The following PHLPP1 variants were observed in gnomAD, a reference collection of about 807,000 sequenced individuals.
PHLPP1 encodes the protein PH domain leucine-rich repeat-containing protein phosphatase 1.
In PHLPP1, 42 loss-of-function variants were observed where a neutral mutation model predicts 117.2. The ratio of observed to expected loss-of-function variants is 0.36; its 90% CI spans 0.28 to 0.46. The LOEUF is 0.46. Among genes scored for constraint, PHLPP1 ranks in the 20% least tolerant of loss-of-function variants. The pLI, the probability that PHLPP1 is intolerant of heterozygous loss-of-function variation, is 1.00. For missense variants in PHLPP1, 2,084 were observed against 2,241.9 expected (o/e 0.93, Z 1.42); for synonymous variants, 1,042 against 970.7 (o/e 1.07, Z -1.37).
At chr18:62,801,285 C>T (rs1913775018) in intron 1 of PHLPP1, among the ~76,000 whole-genome samples, 3 of 151,432 alleles carry the variant, frequency 2.0e-5, no homozygotes, top group South Asian at 4.2e-4. Context: ...TCAAGTAATC[C>T]GCTTGCCTTG....
intron 1 of PHLPP1, among the ~76,000 whole-genome samples, chr18:62,783,440 G>A (rs2144281429): frequency 6.6e-6 from 1 of 152,144 alleles, no homozygotes; most frequent in South Asian, 2.1e-4. Flanking sequence ...ATGTTAGCCA[G>A]GATGGTGCCG....
At chr18:62,961,919 T>C (rs764125297) in intron 13 of PHLPP1, among the ~76,000 whole-genome samples, 3 of 152,248 alleles carry the variant, frequency 2.0e-5, no homozygotes, top group Non-Finnish European at 2.9e-5. Flanking sequence ...TTATTTCTAG[T>C]TACAAAGGGA....
chr18:62,962,650 T>A (rs1374748248), intron 13 of PHLPP1, among the ~76,000 whole-genome samples: 1 of 152,204 alleles, frequency 6.6e-6, no homozygotes, highest in Non-Finnish European at 1.5e-5. Flanking sequence ...TTTGTCCCTT[T>A]AGTATTTCTG....
In PHLPP1 at chr18:62,716,199, G is replaced by A. The variant is rs1251953703; in HGVS notation, c.516G>A (p.Leu172=). The part of the protein sequence containing the change: ...SASASLCTRS[L]DRKTLLLKHR... ...CGGCGTCGCTGTGCACCCGGAGCCTGGACAGGAAGACGCTGCTTCTGAAGC... is the reference window on the plus strand; with the variant it reads ...CGGCGTCGCTGTGCACCCGGAGCCTAGACAGGAAGACGCTGCTTCTGAAGC... The change falls in exon 1 of 17, where the codon CTG becomes CTA. Residue 172 remains leucine (L), a synonymous_variant. Transcript: ENST00000262719. This position sits in a 1 kb window ranked among gnomAD's most constrained non-coding sequence, Gnocchi z 5.7. 17 of 1,524,186 alleles carry A rather than the reference G, an allele frequency of 1.1e-5. No homozygotes were observed. The highest frequency in any genetic ancestry group is 1.0e-4 in the Admixed American group (5 of 50,116). 94.4% of individuals were successfully genotyped at this position (1,524,186 alleles called of 1,614,324 possible). A position where few individuals can be genotyped will look rare whatever the true frequency, so the allele number is the denominator to read the frequency against.
intron 2 of PHLPP1, 62 bp downstream of exon 2, chr18:62,830,293 T>C: frequency 7.2e-7 from 1 of 1,394,600 alleles, no homozygotes; most frequent in South Asian, 1.4e-5. Flanking sequence ...CAGGCTCAAG[T>C]GTAGTGGCGT....
At chr18:62,869,584 A>C (rs150476483) in intron 4 of PHLPP1, among the ~76,000 whole-genome samples, 2 of 152,334 alleles carry the variant, frequency 1.3e-5, no homozygotes, top group South Asian at 2.1e-4. Flanking sequence ...TAAATGGAGC[A>C]CACAATATGT....
chr18:62,949,334 G>T (rs566526092), intron 12 of PHLPP1, among the ~76,000 whole-genome samples: 1 of 152,184 alleles, frequency 6.6e-6, no homozygotes, highest in Non-Finnish European at 1.5e-5. Context: ...ACAAATCTCC[G>T]TACTGAGATG....
At chr18:62,755,941 G>A (rs1475405623) in intron 1 of PHLPP1, among the ~76,000 whole-genome samples, 9 of 150,850 alleles carry the variant, frequency 6.0e-5, no homozygotes, top group Non-Finnish European at 1.3e-4. Flanking sequence ...TTTATGTCTT[G>A]TTAAGGCAAA....
chr18:62,830,012 A>G (rs1398880734), intron 1 of PHLPP1, 23 bp from the exon 2 acceptor site: 1 of 1,574,674 alleles, frequency 6.4e-7, no homozygotes, highest in Non-Finnish European at 8.7e-7. Context: ...AAAGAATAAC[A>G]TGTTTGCTTC....
intron 1 of PHLPP1, among the ~76,000 whole-genome samples, chr18:62,760,222 C>T (rs1183182868): frequency 6.6e-5 from 10 of 152,130 alleles, no homozygotes; most frequent in Admixed American, 6.5e-4. Flanking sequence ...CAAAATCTGG[C>T]AACACCAGGC....
intron 1 of PHLPP1, among the ~76,000 whole-genome samples, chr18:62,746,785 T>C (rs1183721736): frequency 2.0e-5 from 3 of 152,082 alleles, no homozygotes; most frequent in Non-Finnish European, 4.4e-5. Flanking sequence ...GTTTTTTTTT[T>C]CTATTATAAA....
At chr18:62,801,650 C>G (rs1363931294) in intron 1 of PHLPP1, among the ~76,000 whole-genome samples, 2 of 152,072 alleles carry the variant, frequency 1.3e-5, no homozygotes, top group African/African-American at 4.8e-5. Flanking sequence ...ATGGGTTTCC[C>G]CATGTTGGCC....
intron 6 of PHLPP1, among the ~76,000 whole-genome samples, chr18:62,899,167 T>A (rs1424118716): frequency 6.6e-6 from 1 of 152,222 alleles, no homozygotes; most frequent in East Asian, 1.9e-4. Context: ...GTATGGGTTG[T>A]GTACTATACA....
At chr18:62,902,307 C>T (rs1302648460) in intron 6 of PHLPP1, among the ~76,000 whole-genome samples, 1 of 152,124 alleles carries the variant, frequency 6.6e-6, no homozygotes, top group Non-Finnish European at 1.5e-5. Flanking sequence ...GTATTTTCTG[C>T]ACTTCACTCT....
At chr18:62,752,824 A>T (rs1178113168) in intron 1 of PHLPP1, among the ~76,000 whole-genome samples, 1 of 152,216 alleles carries the variant, frequency 6.6e-6, no homozygotes, top group Non-Finnish European at 1.5e-5. Context: ...GTAGATCCTT[A>T]TTGAAGCTGA....
intron 1 of PHLPP1, among the ~76,000 whole-genome samples, chr18:62,731,575 T>C (rs1016048626): frequency 6.6e-6 from 1 of 152,136 alleles, no homozygotes; most frequent in African/African-American, 2.4e-5. Flanking sequence ...TATAAAGGCC[T>C]AAGTGTTCAA....
intron 4 of PHLPP1, among the ~76,000 whole-genome samples, chr18:62,881,895 G>A (rs1916182412): frequency 6.6e-6 from 1 of 152,232 alleles, no homozygotes; most frequent in African/African-American, 2.4e-5. Flanking sequence ...AAGGAGTTGA[G>A]TCATGCCTTC....
intron 16 of PHLPP1, among the ~76,000 whole-genome samples, chr18:62,977,209 G>A (rs902818262): frequency 1.3e-5 from 2 of 152,050 alleles, no homozygotes; most frequent in Admixed American, 6.5e-5. Context: ...ACATCCCTAG[G>A]ACAAGTAAAC....
intron 1 of PHLPP1, among the ~76,000 whole-genome samples, chr18:62,770,644 A>G (rs1381998294): frequency 1.3e-5 from 2 of 152,172 alleles, no homozygotes; most frequent in African/African-American, 2.4e-5. Context: ...GGATGTCTTC[A>G]TTAAAGATTC....
Sources: allele counts gnomAD v4.1 joint callset (sites outside exome capture counted in the v4.1 genomes callset), GRCh38; gene constraint gnomAD v4.1.1; non-coding constraint Gnocchi (gnomAD v3.1); transcripts MANE v1.5; gene names NCBI Gene and HGNC (gene_info 2026-07-23, HGNC 2026-07-21).